SLC2A14: variants seen among roughly 807,000 people sequenced by gnomAD.
The protein encoded by SLC2A14 is solute carrier family 2, facilitated glucose transporter member 14.
SLC2A14 carries 13 observed loss-of-function variants against 43.0 expected under a neutral mutation model. The observed-to-expected ratio is 0.30, with a 90% CI of 0.20 to 0.48. SLC2A14 has a LOEUF of 0.48. Ranked by LOEUF, SLC2A14 falls within the 20% of genes least tolerant of loss-of-function variation. The pLI, the probability that SLC2A14 is intolerant of heterozygous loss-of-function variation, is 0.99. For synonymous variants in SLC2A14, 190 were observed against 233.8 expected (o/e 0.81, Z 1.71); for missense variants, 428 against 620.4 (o/e 0.69, Z 3.29).
At chr12:7,844,127 A>G (rs181730739) in intron 2 of SLC2A14, among the ~76,000 whole-genome samples, 164 of 152,284 alleles carry the variant, frequency 1.1e-3, no homozygotes, top group Middle Eastern at 6.8e-3. Context: ...TTGCTCCTCA[A>G]AAAGTTTCCT....
chr12:7,877,005 C>CTTTTTTTTTTTTTTTTT (rs57906469), upstream of SLC2A14, among the ~76,000 whole-genome samples: 1 of 132,932 alleles, frequency 7.5e-6, no homozygotes, highest in Non-Finnish European at 1.6e-5. Context: ...AATTTTTTTT[C>CTTTTTTTTTTTTTTTTT]TTTTTTTTTT....
At chr12:7,841,221 A>G (rs1366005412) in intron 2 of SLC2A14, among the ~76,000 whole-genome samples, 1 of 152,168 alleles carries the variant, frequency 6.6e-6, no homozygotes, top group East Asian at 1.9e-4. Flanking sequence ...CCTAATACTA[A>G]CATTTGCATT....
intron 1 of SLC2A14, among the ~76,000 whole-genome samples, chr12:7,880,487 A>AAAG (rs56196467): frequency 1.3e-5 from 2 of 150,996 alleles, no homozygotes. Flanking sequence ...AAAAAAAAAA[A>AAAG]TACTGATTAA....
intron 8 of SLC2A14, among the ~76,000 whole-genome samples, chr12:7,820,728 T>TC (rs35553530): frequency 0.62 from 94,912 of 151,890 alleles, 30,383 homozygotes; most frequent in African/African-American, 0.77. Flanking sequence ...TTCCCATCCA[T>TC]CCATATTTGC....
At chr12:7,871,298 T>A (rs1044785214) in intron 1 of SLC2A14, 3 of 1,112,418 alleles carry the variant, frequency 2.7e-6, no homozygotes, top group South Asian at 2.8e-5. Flanking sequence ...GAGGCACCCA[T>A]TGATAAAAAA....
intron 8 of SLC2A14, among the ~76,000 whole-genome samples, chr12:7,820,701 C>T (rs1250503168): frequency 2.1e-5 from 3 of 140,718 alleles, no homozygotes; most frequent in African/African-American, 8.4e-5. Context: ...TGTATAGTCC[C>T]TTCTATACTT....
chr12:7,854,970 C>G (rs1389924241), intron 2 of SLC2A14, among the ~76,000 whole-genome samples: 1 of 151,954 alleles, frequency 6.6e-6, no homozygotes, highest in Non-Finnish European at 1.5e-5. Context: ...CCACCACGAC[C>G]AGCTAATTTT....
At chr12:7,838,791 T>C (rs202216903) in intron 2 of SLC2A14, among the ~76,000 whole-genome samples, 1 of 152,236 alleles carries the variant, frequency 6.6e-6, no homozygotes, top group East Asian at 1.9e-4. Context: ...AATTCATATG[T>C]TGAAGCCCTA....
intron 8 of SLC2A14, among the ~76,000 whole-genome samples, chr12:7,820,156 T>C (rs1863797109): frequency 8.2e-6 from 1 of 121,884 alleles, no homozygotes; most frequent in Non-Finnish European, 1.7e-5. Context: ...CAACAACTCA[T>C]CTATGTGCTA....
At chr12:7,880,932 G>C (rs1833070497) in intron 1 of SLC2A14, among the ~76,000 whole-genome samples, 1 of 152,112 alleles carries the variant, frequency 6.6e-6, no homozygotes, top group Admixed American at 6.6e-5. Context: ...CTGAGGTCAA[G>C]AGTTCGAGAC....
At chr12:7,875,379 A>T (rs1945445749), upstream of SLC2A14, among the ~76,000 whole-genome samples, 2 of 150,620 alleles carry the variant, frequency 1.3e-5, no homozygotes, top group Admixed American at 6.7e-5. Flanking sequence ...ATGGTGATGC[A>T]CGCCTGCAAT....
At chr12:7,837,462 AAAC>A (rs1011751973) in intron 2 of SLC2A14, among the ~76,000 whole-genome samples, 7 of 152,118 alleles carry the variant, frequency 4.6e-5, no homozygotes, top group East Asian at 3.9e-4. Flanking sequence ...CAACATGGAG[AAAC>A]AACATCTCTA....
Position 7,814,195 on chromosome 12 carries a change from T to A in SLC2A14, c.*121A>T, listed in dbSNP as rs1247167945. ...TGGGGTGCTCATGGAGTGCGTGGGA[T>A]GAGAAAGAAATCAAGTAGCAGCATT... On this transcript the variant is annotated 3_prime_UTR_variant, in exon 11 of 11. Transcript: ENST00000431042. 3.3e-6 allele frequency: 5 copies of A among 1,502,396 alleles called. No homozygotes were observed. The highest frequency in any genetic ancestry group is 1.8e-6 in the Non-Finnish European group (2 of 1,115,416). 93.1% of individuals were successfully genotyped at this position (1,502,396 alleles called of 1,614,324 possible). A position where few individuals can be genotyped will look rare whatever the true frequency, so the allele number is the denominator to read the frequency against.
At chr12:7,875,198 A>ATAT (rs1565585730), upstream of SLC2A14, among the ~76,000 whole-genome samples, 77 of 46,496 alleles carry the variant, frequency 1.7e-3, 3 homozygotes, top group South Asian at 0.031. Context: ...AATATATTAA[A>ATAT]ATATATTTAT....
chr12:7,839,770 C>T, intron 2 of SLC2A14: 1 of 450,706 alleles, frequency 2.2e-6, no homozygotes, highest in South Asian at 1.6e-5. Context: ...GGGAGTAATA[C>T]CCATACAGAA....
rs781189900 is a variant in SLC2A14 at position 7,817,495 on chromosome 12, A to G, written c.1275+336T>C. On this transcript the variant is annotated intron_variant, in intron 10 of 10. Coordinates refer to ENST00000431042, the MANE Select transcript of SLC2A14 (RefSeq NM_001286234.2). Reference sequence around the variant, plus strand: ...TTAAGATAAGGTGAGTTGGCCGGGCATGGTGGCTCACGCCTGTAATCCCAG... The same window carrying G: ...TTAAGATAAGGTGAGTTGGCCGGGCGTGGTGGCTCACGCCTGTAATCCCAG... Among the ~76,000 whole-genome samples, 850 of 150,356 alleles carry G rather than the reference A, an allele frequency of 5.7e-3. 12 individuals carry two copies. The highest frequency in any genetic ancestry group is 0.019 in the African/African-American group (801 of 41,230).
chr12:7,827,003 TTCTCTCTCTCTCTTTCTCTCCTTTCTC>T (rs1565508968), intron 7 of SLC2A14, among the ~76,000 whole-genome samples: 5 of 139,948 alleles, frequency 3.6e-5, no homozygotes, highest in Admixed American at 7.3e-5. Context: ...TTTCTCTCCT[TTCTCTCTCTCTCTTTCTCTCCTTTCTC>T]TCTCTTTCTC....
chr12:7,832,936 A>G, intron 2 of SLC2A14, 122 bp from the exon 3 acceptor site: 1 of 862,914 alleles, frequency 1.2e-6, no homozygotes. Flanking sequence ...GAAAAGGACA[A>G]ACATCAAACG....
intron 1 of SLC2A14, among the ~76,000 whole-genome samples, chr12:7,885,142 AT>A (rs920477455): frequency 1.3e-5 from 2 of 151,954 alleles, no homozygotes; most frequent in Admixed American, 6.6e-5. Flanking sequence ...TGAGTCAGAA[AT>A]TTTTTTTTCC....
Sources: gnomAD v4.1 joint callset for allele counts (sites outside exome capture counted in the v4.1 genomes callset) on GRCh38, gnomAD v4.1.1 for gene constraint, MANE v1.5 for transcripts, NCBI Gene and HGNC (gene_info 2026-07-23, HGNC 2026-07-21) for gene names.